The following SORCS2 variants were observed in gnomAD, a reference collection of about 807,000 sequenced individuals.
SORCS2 encodes the protein sortilin related VPS10 domain containing receptor 2.
SORCS2 carries 100 observed loss-of-function variants against 141.6 expected under a neutral mutation model. The observed-to-expected ratio is 0.71, with a 90% CI of 0.60 to 0.83. SORCS2 has a LOEUF of 0.83. Ranked by LOEUF, SORCS2 falls within the 40% of genes least tolerant of loss-of-function variation. The pLI, the probability that SORCS2 is intolerant of heterozygous loss-of-function variation, is 0.00. For synonymous variants in SORCS2, 789 were observed against 676.9 expected (o/e 1.17, Z -2.57); for missense variants, 1,646 against 1,560.2 (o/e 1.05, Z -0.93).
At chr4:7,371,601 C>CA (rs111351914) in intron 1 of SORCS2, among the ~76,000 whole-genome samples, 10 of 152,168 alleles carry the variant, frequency 6.6e-5, no homozygotes, top group African/African-American at 2.2e-4. Flanking sequence ...GAGGAGCCAG[C>CA]ACACTGTGAC....
At position 7,653,564 on chromosome 4, in the gene SORCS2, A is replaced by G. The variant is rs570837786; in HGVS notation, c.814-570A>G. ...GGCCCTAAAGACACAATTATTAAGAAGTTCAAGTTGGCAGCTGCAGAGAAT... is the reference window on the plus strand; with the variant it reads ...GGCCCTAAAGACACAATTATTAAGAGGTTCAAGTTGGCAGCTGCAGAGAAT... On this transcript the variant is annotated intron_variant, in intron 4 of 26. Coordinates refer to ENST00000507866, the MANE Select transcript of SORCS2 (RefSeq NM_020777.3). Among the ~76,000 whole-genome samples the G allele has an allele frequency of 7.0e-4, 106 of 152,312 alleles. 3 individuals carry two copies. The highest frequency in any genetic ancestry group is 6.9e-3 in the Admixed American group (105 of 15,308).
chr4:7,725,831 C>A (rs1053092725), intron 20 of SORCS2, among the ~76,000 whole-genome samples: 2 of 152,244 alleles, frequency 1.3e-5, no homozygotes, highest in Non-Finnish European at 2.9e-5. Context: ...CAGCCCAGCA[C>A]CACCAGGCAG....
intron 1 of SORCS2, among the ~76,000 whole-genome samples, chr4:7,231,895 G>A (rs371586397): frequency 1.3e-5 from 2 of 152,164 alleles, no homozygotes; most frequent in East Asian, 1.9e-4. Context: ...CCAGGCTCTC[G>A]GGGTGGGGAT....
At chr4:7,644,992 C>T (rs978250234) in intron 4 of SORCS2, among the ~76,000 whole-genome samples, 1 of 152,186 alleles carries the variant, frequency 6.6e-6, no homozygotes, top group African/African-American at 2.4e-5. Flanking sequence ...AAAGCGCCTC[C>T]CAGGAGAGTG....
chr4:7,740,574 C>T lies in SORCS2; in HGVS notation c.*310C>T, dbSNP rs906954086. 1 of 434,190 alleles carries T rather than the reference C, an allele frequency of 2.3e-6. No individual in the cohort carries two copies. The highest frequency in any genetic ancestry group is 4.3e-6 in the Non-Finnish European group (1 of 233,612). The allele number at this position is 434,190 out of a possible 1,614,324, so 26.9% of individuals were successfully genotyped here. On this transcript the variant is annotated 3_prime_UTR_variant, in exon 27 of 27. Coordinates refer to ENST00000507866, the MANE Select transcript of SORCS2 (RefSeq NM_020777.3). ...TGCTGTCGCTCAGCCCGAGGCCTGA[C>T]TTCTCTGGGCTGAGGCTGGTCGTCC...
intron 2 of SORCS2, among the ~76,000 whole-genome samples, chr4:7,453,436 C>T (rs1218733218): frequency 8.5e-6 from 1 of 117,478 alleles, no homozygotes; most frequent in African/African-American, 3.5e-5. Flanking sequence ...GTGTTGGGGT[C>T]AGGTGCTGTG....
At chr4:7,316,216 A>ATCCT (rs1718540532) in intron 1 of SORCS2, among the ~76,000 whole-genome samples, 4 of 149,878 alleles carry the variant, frequency 2.7e-5, no homozygotes, top group Non-Finnish European at 5.9e-5. Flanking sequence ...CTTTCCTTCC[A>ATCCT]TCCATCCATC....
At chr4:7,358,296 G>A (rs1049933723) in intron 1 of SORCS2, among the ~76,000 whole-genome samples, 5 of 152,216 alleles carry the variant, frequency 3.3e-5, no homozygotes, top group African/African-American at 7.2e-5. Flanking sequence ...CATGATCACC[G>A]ATTCTAACAG....
At chr4:7,607,594 A>G (rs1718144023) in intron 3 of SORCS2, among the ~76,000 whole-genome samples, 1 of 152,210 alleles carries the variant, frequency 6.6e-6, no homozygotes, top group African/African-American at 2.4e-5. Flanking sequence ...CTCACAGACA[A>G]GATTGGGGCT....
At chr4:7,429,468 T>C (rs4470628) in intron 2 of SORCS2, among the ~76,000 whole-genome samples, 131,272 of 152,264 alleles carry the variant, frequency 0.86, 56,735 homozygotes, top group East Asian at 0.94. Context: ...AAAGTGAATC[T>C]GCCTTACCAG....
chr4:7,584,956 C>T (rs1345905005), intron 3 of SORCS2, among the ~76,000 whole-genome samples: 3 of 152,104 alleles, frequency 2.0e-5, no homozygotes, highest in East Asian at 1.9e-4. Flanking sequence ...GGGGTTGCAG[C>T]GGGTGATGTG....
At chr4:7,561,262 C>G (rs756828712) in intron 3 of SORCS2, among the ~76,000 whole-genome samples, 4 of 152,232 alleles carry the variant, frequency 2.6e-5, no homozygotes, top group South Asian at 2.1e-4. Flanking sequence ...TCACTTTTAT[C>G]TATTGGATCT....
At chr4:7,527,231 T>C (rs1733752132) in intron 2 of SORCS2, among the ~76,000 whole-genome samples, 1 of 152,220 alleles carries the variant, frequency 6.6e-6, no homozygotes, top group Non-Finnish European at 1.5e-5. Flanking sequence ...GGCAGAGCAA[T>C]GCCTCCCACA....
At chr4:7,635,642 C>A (rs996634826) in intron 3 of SORCS2, among the ~76,000 whole-genome samples, 9 of 152,198 alleles carry the variant, frequency 5.9e-5, no homozygotes, top group African/African-American at 2.2e-4. Context: ...ATAAGCTCCC[C>A]AGTCGTTAGC....
chr4:7,640,099 G>A (rs898228482), intron 4 of SORCS2, among the ~76,000 whole-genome samples: 3 of 151,888 alleles, frequency 2.0e-5, no homozygotes, highest in Non-Finnish European at 4.4e-5. Flanking sequence ...GTGTGTGCTT[G>A]TAGGTGTGTG....
intron 2 of SORCS2, among the ~76,000 whole-genome samples, chr4:7,441,652 TCC>T (rs1727673774): frequency 8.0e-6 from 1 of 124,880 alleles, no homozygotes; most frequent in African/African-American, 3.1e-5. Context: ...ATCTACCCCC[TCC>T]CCTAGCCCAG....
intron 11 of SORCS2, among the ~76,000 whole-genome samples, chr4:7,690,424 G>A (rs773006798): frequency 2.6e-5 from 4 of 151,242 alleles, no homozygotes; most frequent in Admixed American, 1.3e-4. Context: ...GATGGTGGGT[G>A]TGTGGGTGGG....
intron 1 of SORCS2, among the ~76,000 whole-genome samples, chr4:7,383,081 TC>T (rs1214259394): frequency 6.6e-6 from 1 of 152,154 alleles, no homozygotes; most frequent in Non-Finnish European, 1.5e-5. Flanking sequence ...CACGGAGTCC[TC>T]ATGCCCCGCG....
chr4:7,248,646 T>G (rs1479872140), intron 1 of SORCS2, among the ~76,000 whole-genome samples: 2 of 152,264 alleles, frequency 1.3e-5, no homozygotes, highest in African/African-American at 4.8e-5. Flanking sequence ...TTGACTAGTC[T>G]ATTTTTTAAG....
Sources: allele counts gnomAD v4.1 joint callset (sites outside exome capture counted in the v4.1 genomes callset), GRCh38; gene constraint gnomAD v4.1.1; transcripts MANE v1.5; gene names NCBI Gene and HGNC (gene_info 2026-07-23, HGNC 2026-07-21).